SPOCK3: variants seen among roughly 807,000 people sequenced by gnomAD.
The protein encoded by SPOCK3 is testican-3.
SPOCK3 carries 30 observed loss-of-function variants against 56.6 expected under a neutral mutation model. That is an observed-to-expected ratio of 0.53 (90% CI 0.40 to 0.72). The LOEUF is 0.72. SPOCK3 is among the 30% of genes least tolerant of loss of function. The pLI, the probability that SPOCK3 is intolerant of heterozygous loss-of-function variation, is 0.00. For missense variants in SPOCK3, 527 were observed against 530.0 expected (o/e 0.99, Z 0.06); for synonymous variants, 196 against 183.3 (o/e 1.07, Z -0.56).
At chr4:167,056,335 A>T (rs995445553) in intron 3 of SPOCK3, among the ~76,000 whole-genome samples, 1 of 152,170 alleles carries the variant, frequency 6.6e-6, no homozygotes, top group Non-Finnish European at 1.5e-5. Context: ...AAAGATGGGG[A>T]AAAAACAGAG....
chr4:167,231,180 A>G (rs1185979621), intron 2 of SPOCK3, among the ~76,000 whole-genome samples: 3 of 152,020 alleles, frequency 2.0e-5, no homozygotes, highest in Non-Finnish European at 2.9e-5. Flanking sequence ...ATTCAATTAA[A>G]ATATAATGCT....
At position 167,123,624 on chromosome 4, in the gene SPOCK3, C is replaced by A. The variant is rs1762045867; in HGVS notation, c.190-61087G>T. Among the ~76,000 whole-genome samples, 3 of 152,058 alleles carry A rather than the reference C, an allele frequency of 2.0e-5. No individual in the cohort carries two copies. In the South Asian group the frequency reaches 6.2e-4, roughly 32 times the overall value. ...TTCCACCCACCTCTGCCACTCTCTG[C>A]CAGATTGACAGTCCAATTAACACAT... On this transcript the variant is annotated intron_variant, in intron 2 of 10. Coordinates refer to ENST00000357545, the MANE Select transcript of SPOCK3 (RefSeq NM_001040159.2).
At chr4:167,090,382 C>G (rs1302794969) in intron 2 of SPOCK3, among the ~76,000 whole-genome samples, 2 of 152,002 alleles carry the variant, frequency 1.3e-5, no homozygotes, top group Admixed American at 1.3e-4. Context: ...TACACAGTGA[C>G]TAATGATGTT....
intron 3 of SPOCK3, among the ~76,000 whole-genome samples, chr4:167,038,501 G>C (rs1340520008): frequency 2.6e-5 from 4 of 151,988 alleles, no homozygotes; most frequent in Non-Finnish European, 4.4e-5. Flanking sequence ...ACACGTCCCA[G>C]AATCTAATAG....
At chr4:166,872,534 T>C (rs1334511242) in intron 6 of SPOCK3, among the ~76,000 whole-genome samples, 1 of 152,142 alleles carries the variant, frequency 6.6e-6, no homozygotes, top group Non-Finnish European at 1.5e-5. Context: ...TGCCAAAACT[T>C]GGAAGAAACC....
intron 4 of SPOCK3, among the ~76,000 whole-genome samples, chr4:166,972,360 T>G: frequency 6.6e-6 from 1 of 152,068 alleles, no homozygotes; most frequent in East Asian, 1.9e-4. Context: ...CTCAGCAATG[T>G]TACAATGTAA....
intron 4 of SPOCK3, among the ~76,000 whole-genome samples, chr4:166,918,637 A>C (rs565929063): frequency 3.4e-5 from 5 of 145,584 alleles, no homozygotes; most frequent in South Asian, 2.3e-4. Flanking sequence ...GAAATTCACA[A>C]AAAAACAATT....
At chr4:167,069,948 A>C (rs897728849) in intron 2 of SPOCK3, among the ~76,000 whole-genome samples, 4 of 151,788 alleles carry the variant, frequency 2.6e-5, no homozygotes, top group Non-Finnish European at 5.9e-5. Context: ...TTTTTCATTC[A>C]TTCCCTACTG....
At chr4:166,895,682 TAAG>T (rs1735304565) in intron 5 of SPOCK3, among the ~76,000 whole-genome samples, 1 of 152,172 alleles carries the variant, frequency 6.6e-6, no homozygotes, top group African/African-American at 2.4e-5. Flanking sequence ...TTATTATGCT[TAAG>T]AAATACCAAG....
At chr4:166,773,456 A>G (rs953259847) in intron 7 of SPOCK3, among the ~76,000 whole-genome samples, 11 of 152,168 alleles carry the variant, frequency 7.2e-5, no homozygotes, top group African/African-American at 2.4e-4. Context: ...ATGTTTGACA[A>G]TCAATAATAG....
chr4:167,009,722 C>G (rs1273597075), intron 3 of SPOCK3, among the ~76,000 whole-genome samples: 1 of 151,982 alleles, frequency 6.6e-6, no homozygotes, highest in Non-Finnish European at 1.5e-5. Flanking sequence ...ATAATCCAAT[C>G]CACTCAAAAA....
At chr4:167,004,341 A>C (rs1749253229) in intron 3 of SPOCK3, among the ~76,000 whole-genome samples, 1 of 152,182 alleles carries the variant, frequency 6.6e-6, no homozygotes, top group Non-Finnish European at 1.5e-5. Context: ...AATAGCAAAA[A>C]TGTAGAAAAA....
At chr4:167,213,746 TTTG>T (rs1561331353) in intron 2 of SPOCK3, among the ~76,000 whole-genome samples, 1,631 of 152,216 alleles carry the variant, frequency 0.011, 26 homozygotes, top group African/African-American at 0.031. Context: ...ATTACCAGTG[TTTG>T]ATGATGAAAT....
At chr4:167,195,798 G>A (rs1732888776) in intron 2 of SPOCK3, among the ~76,000 whole-genome samples, 1 of 152,194 alleles carries the variant, frequency 6.6e-6, no homozygotes, top group African/African-American at 2.4e-5. Context: ...CCACCTGGGT[G>A]CAGACCTTCC....
chr4:167,184,057 C>T (rs1385008520), intron 2 of SPOCK3, among the ~76,000 whole-genome samples: 1 of 152,122 alleles, frequency 6.6e-6, no homozygotes, highest in East Asian at 1.9e-4. Flanking sequence ...CCCATTTGTT[C>T]TTGTTAAATG....
At chr4:167,123,785 C>A (rs1025364023) in intron 2 of SPOCK3, among the ~76,000 whole-genome samples, 1 of 149,530 alleles carries the variant, frequency 6.7e-6, no homozygotes, top group Non-Finnish European at 1.5e-5. Context: ...CCTCTGTTAC[C>A]CAGGCTGGAG....
intron 6 of SPOCK3, among the ~76,000 whole-genome samples, chr4:166,879,460 C>A (rs1171369382): frequency 6.6e-6 from 1 of 152,084 alleles, no homozygotes; most frequent in Non-Finnish European, 1.5e-5. Flanking sequence ...CACTTGAGAC[C>A]AGGACTTTGA....
At chr4:167,231,419 A>G (rs1174003397) in intron 2 of SPOCK3, among the ~76,000 whole-genome samples, 1 of 152,094 alleles carries the variant, frequency 6.6e-6, no homozygotes, top group African/African-American at 2.4e-5. Flanking sequence ...AAAAAGCACA[A>G]AAGTACTTCA....
At chr4:166,945,022 G>A (rs1001026091) in intron 4 of SPOCK3, among the ~76,000 whole-genome samples, 11 of 152,070 alleles carry the variant, frequency 7.2e-5, no homozygotes, top group Admixed American at 5.2e-4. Context: ...GACCCTTCAC[G>A]CTGACTTCTG....
Sources: allele counts gnomAD v4.1 joint callset (sites outside exome capture counted in the v4.1 genomes callset), GRCh38; gene constraint gnomAD v4.1.1; transcripts MANE v1.5; gene names NCBI Gene and HGNC (gene_info 2026-07-23, HGNC 2026-07-21).